MYO7A: variants seen among roughly 807,000 people sequenced by gnomAD.
The protein encoded by MYO7A is unconventional myosin-VIIa.
In MYO7A, 210 loss-of-function variants were observed where a neutral mutation model predicts 263.8. The ratio of observed to expected loss-of-function variants is 0.80; its 90% CI spans 0.71 to 0.89. The LOEUF (loss-of-function observed/expected upper bound fraction) is 0.89, where lower values mean the gene tolerates loss of function less well. MYO7A is among the 40% of genes least tolerant of loss of function. The probability of loss-of-function intolerance (pLI) is 0.00; values close to 1 mark genes in which losing one functional copy is unlikely to be tolerated. For missense variants in MYO7A, 2,820 were observed against 2,968.3 expected, an observed-to-expected ratio of 0.95 and a Z score of 1.16; for synonymous variants, 1,239 against 1,197.3, an observed-to-expected ratio of 1.03 and a Z score of -0.72.
intron 44 of MYO7A, chr11:77,210,892 C>T: frequency 2.5e-6 from 1 of 401,606 alleles, no homozygotes; most frequent in Non-Finnish European, 4.5e-6. Flanking sequence ...TCTCACTGGA[C>T]TGTTATGGGG....
chr11:77,197,083 A>G (rs1202472904), intron 32 of MYO7A, among the ~76,000 whole-genome samples: 2 of 152,080 alleles, frequency 1.3e-5, no homozygotes, highest in Non-Finnish European at 2.9e-5. Context: ...CTGTGTCCCC[A>G]TTCCCTCTCT....
intron 45 of MYO7A, 120 bp downstream of exon 45, chr11:77,211,457 C>T: frequency 2.6e-6 from 3 of 1,139,570 alleles, no homozygotes; most frequent in South Asian, 1.6e-5. Flanking sequence ...GGTTCTTGTA[C>T]TTGATGAGGC....
Position 77,199,587 on chromosome 11 carries a change from C to A in MYO7A, c.4621C>A (p.Pro1541Thr). 1 of 1,577,226 alleles carries A rather than the reference C, an allele frequency of 6.3e-7. No individual in the cohort carries two copies. ...CTGCTCTGATCTTGGCTGTGCTGCGCCTCACTCAGGCTGGGCAGGACTGAC... is the reference window on the plus strand; with the variant it reads ...CTGCTCTGATCTTGGCTGTGCTGCGACTCACTCAGGCTGGGCAGGACTGAC... The part of the protein sequence containing the change: ...LGCSDLGCAA[P>T]HSGWAGLTPA... The change falls in exon 35 of 49, where the codon CCT (proline) becomes ACT (threonine). Residue 1541 changes from proline (P) to threonine (T), a missense_variant. By Grantham distance (38) the Pro-to-Thr change is conservative (BLOSUM62 -1). Transcript: ENST00000409709.
intron 36 of MYO7A, among the ~76,000 whole-genome samples, chr11:77,201,910 G>C (rs772428526): frequency 6.6e-6 from 1 of 152,144 alleles, no homozygotes. Context: ...TGAACAGGCA[G>C]TGGGGGCACA....
intron 27 of MYO7A, among the ~76,000 whole-genome samples, chr11:77,186,842 G>A (rs1955680842): frequency 6.6e-6 from 1 of 152,220 alleles, no homozygotes; most frequent in Non-Finnish European, 1.5e-5. Context: ...CTTTGCACAA[G>A]AGGCCCAGCT....
rs530951046 is a variant in MYO7A at position 77,172,678 on chromosome 11, A to G, written c.1798-70A>G. The G allele has an allele frequency of 7.1e-6, 11 of 1,538,860 alleles. No homozygotes were observed. In the African/African-American group the frequency reaches 1.5e-4, roughly 21 times the overall value. ...CCGCTGACCTCCCCTCCCGCTTCCT[A>G]CTGGGCGGCTCCTGGGACACTGGAT... On this transcript the variant is annotated intron_variant, in intron 15 of 48. Coordinates refer to ENST00000409709, the MANE Select transcript of MYO7A (RefSeq NM_000260.4).
chr11:77,189,595 T>G, intron 28 of MYO7A, 125 bp downstream of exon 28: 1 of 1,385,386 alleles, frequency 7.2e-7, no homozygotes, highest in Non-Finnish European at 9.8e-7. Context: ...CACTCCTTAC[T>G]GAGCCCCATC....
intron 15 of MYO7A, among the ~76,000 whole-genome samples, chr11:77,170,185 CTG>C (rs1413914167): frequency 2.6e-5 from 4 of 152,126 alleles, no homozygotes; most frequent in Admixed American, 6.5e-5. Flanking sequence ...CGGTGGGACT[CTG>C]TGATTTTCAG....
intron 2 of MYO7A, among the ~76,000 whole-genome samples, chr11:77,135,218 C>G (rs1317248154): frequency 3.3e-5 from 5 of 152,164 alleles, no homozygotes; most frequent in African/African-American, 1.2e-4. Flanking sequence ...ACAATAACTC[C>G]CCATTCCCCT....
intron 44 of MYO7A, among the ~76,000 whole-genome samples, chr11:77,210,379 A>ATTGG (rs1405484403): frequency 4.6e-5 from 7 of 152,112 alleles, no homozygotes; most frequent in African/African-American, 1.7e-4. Flanking sequence ...TGGTAAGTGA[A>ATTGG]TTGGTGAGTT....
At chr11:77,153,496 G>C (rs1257668988) in intron 4 of MYO7A, among the ~76,000 whole-genome samples, 2 of 152,128 alleles carry the variant, frequency 1.3e-5, no homozygotes, top group African/African-American at 4.8e-5. Flanking sequence ...GTGGGAGAAA[G>C]CCTGGCCCCA....
rs12291062 is a variant in MYO7A, at chr11:77,184,747, T to G, written c.3503+32T>G. ...GCCGGGAGGCGGGGACACCAGGGCCTGAAAGTCTTTTGGTGGCTGAGTGGT... is the reference window on the plus strand; with the variant it reads ...GCCGGGAGGCGGGGACACCAGGGCCGGAAAGTCTTTTGGTGGCTGAGTGGT... On this transcript the variant is annotated intron_variant, in intron 27 of 48. Coordinates refer to ENST00000409709, the MANE Select transcript of MYO7A (RefSeq NM_000260.4). The G allele has an allele frequency of 1.3e-5, 6 of 474,502 alleles. No homozygotes were observed. The highest frequency in any genetic ancestry group is 1.2e-4 in the Admixed American group (2 of 17,158). The allele number at this position is 474,502 out of a possible 1,614,324, so 29.4% of individuals were successfully genotyped here.
At chr11:77,175,166 G>T (rs1342260267) in intron 17 of MYO7A, among the ~76,000 whole-genome samples, 3 of 152,202 alleles carry the variant, frequency 2.0e-5, no homozygotes, top group African/African-American at 7.2e-5. Context: ...CTGGATGTCA[G>T]TTGTGAGAAA....
chr11:77,192,344 C>A, intron 31 of MYO7A, 66 bp downstream of exon 31: 1 of 1,491,356 alleles, frequency 6.7e-7, no homozygotes, highest in Non-Finnish European at 9.3e-7. Context: ...CACGTTTGGG[C>A]TGAGTGCTCC....
At chr11:77,171,221 G>A (rs1386311808) in intron 15 of MYO7A, among the ~76,000 whole-genome samples, 1 of 152,230 alleles carries the variant, frequency 6.6e-6, no homozygotes, top group Non-Finnish European at 1.5e-5. Context: ...GCGTGTGTAT[G>A]TGCATGCTGA....
chr11:77,148,880 A>G (rs1555055631), intron 4 of MYO7A, among the ~76,000 whole-genome samples: 1 of 152,246 alleles, frequency 6.6e-6, no homozygotes, highest in Non-Finnish European at 1.5e-5. Context: ...TGTCTGGCTT[A>G]ATAAAGCCAA....
Position 77,158,273 on chromosome 11 carries a change from C to T in MYO7A, c.850-4C>T, listed in dbSNP as rs1952681111. The T allele has an allele frequency of 6.3e-7, 1 of 1,590,562 alleles. No homozygotes were observed. Among genetic ancestry groups the T allele is most frequent in the African/African-American group, 1.3e-5 (1 of 74,606 alleles). On this transcript the variant is annotated splice_region_variant and splice_polypyrimidine_tract_variant and intron_variant, in intron 8 of 48. Transcript: ENST00000409709. The stretch of plus-strand genomic sequence containing the variant: ...GCACCCCACTCTCCCACCCTGCCCA[C>T]CAGGGTAACTGCATAACCTGTGAGG...
rs1255368092 is a variant in MYO7A, at chr11:77,212,221, C to T, written c.6354+284C>T. 3 of 560,216 alleles carry T rather than the reference C, an allele frequency of 5.4e-6. No individual in the cohort carries two copies. The East Asian group carries it at 1.2e-4, about 23-fold the overall frequency. The allele number at this position is 560,216 out of a possible 1,614,324, so 34.7% of individuals were successfully genotyped here. On this transcript the variant is annotated intron_variant, in intron 46 of 48. Transcript: ENST00000409709. ...TGTTCTGACACTGGGGAGCCCTCGC[C>T]CAGGTGGCAGAGCTCGGGAGGCTCT...
intron 4 of MYO7A, among the ~76,000 whole-genome samples, chr11:77,150,443 G>T (rs1201874711): frequency 1.3e-5 from 2 of 152,200 alleles, no homozygotes; most frequent in African/African-American, 4.8e-5. Flanking sequence ...CTGATCCCTG[G>T]GTGGCCAGCA....
Sources: allele counts gnomAD v4.1 joint callset (sites outside exome capture counted in the v4.1 genomes callset), GRCh38; gene constraint gnomAD v4.1.1; transcripts MANE v1.5; gene names NCBI Gene and HGNC (gene_info 2026-07-23, HGNC 2026-07-21).